Variants in RANBP2 observed in about 807,000 individuals in gnomAD.
RANBP2 encodes E3 SUMO-protein ligase RanBP2.
A neutral mutation model predicts 303.6 loss-of-function variants in RANBP2; 57 were observed. The ratio of observed to expected loss-of-function variants is 0.19; its 90% confidence interval spans 0.15 to 0.23. The LOEUF is 0.23. Among genes scored for constraint, RANBP2 ranks in the 10% least tolerant of loss-of-function variants. The probability of loss-of-function intolerance (pLI) is 1.00; values close to 1 mark genes in which losing one functional copy is unlikely to be tolerated. For synonymous variants in RANBP2, 1,167 were observed against 1,301.5 expected (o/e 0.90, Z 2.23); for missense variants, 3,138 against 3,780.8 (o/e 0.83, Z 4.46).
the RANBP2 span, chr2:109,614,482 G>C: frequency 3.3e-6 from 4 of 1,227,204 alleles, no homozygotes; most frequent in Admixed American, 8.7e-5. Context: ...GGAGCAGCGC[G>C]GTCGAGGATG....
chr2:109,047,217 AT>A, the RANBP2 span, among the ~76,000 whole-genome samples: 1 of 152,062 alleles, frequency 6.6e-6, no homozygotes. Flanking sequence ...CCCTGCTCCC[AT>A]TGCTTCCCCA....
At chr2:108,791,873 C>T in the RANBP2 span, 5 of 1,413,266 alleles carry the variant, frequency 3.5e-6, no homozygotes, top group East Asian at 2.4e-5. Context: ...AGCTTCCCTC[C>T]TAGTAATAAC....
the RANBP2 span, among the ~76,000 whole-genome samples, chr2:109,099,464 T>C: frequency 6.6e-6 from 1 of 152,072 alleles, no homozygotes; most frequent in Non-Finnish European, 1.5e-5. Flanking sequence ...CTGGGTTTGG[T>C]TTAACCCTTA....
chr2:109,431,688 A>G, the RANBP2 span, among the ~76,000 whole-genome samples: 171 of 152,332 alleles, frequency 1.1e-3, no homozygotes, highest in African/African-American at 4.0e-3. Flanking sequence ...TCTGGGCAAC[A>G]TAGTGGGACC....
chr2:109,238,254 G>A, the RANBP2 span, among the ~76,000 whole-genome samples: 1 of 152,038 alleles, frequency 6.6e-6, no homozygotes, highest in Non-Finnish European at 1.5e-5. Flanking sequence ...CAATAGAAAA[G>A]TGTTGGCTCT....
chr2:109,227,859 C>T, the RANBP2 span, among the ~76,000 whole-genome samples: 7 of 152,222 alleles, frequency 4.6e-5, no homozygotes, highest in East Asian at 1.9e-4. Flanking sequence ...TCGGTCGCTC[C>T]GCCTTTCATC....
the RANBP2 span, among the ~76,000 whole-genome samples, chr2:109,065,373 T>C: frequency 6.6e-6 from 1 of 152,204 alleles, no homozygotes; most frequent in African/African-American, 2.4e-5. Context: ...CTTTTGCTTA[T>C]CTTTGTGTGC....
the RANBP2 span, among the ~76,000 whole-genome samples, chr2:109,387,213 C>G: frequency 6.6e-6 from 1 of 152,154 alleles, no homozygotes; most frequent in African/African-American, 2.4e-5. Flanking sequence ...CCTGGCTTTT[C>G]TCATTAAATT....
the RANBP2 span, among the ~76,000 whole-genome samples, chr2:109,611,862 A>C: frequency 6.6e-6 from 1 of 152,146 alleles, no homozygotes; most frequent in Non-Finnish European, 1.5e-5. Context: ...CAGAAACTGG[A>C]CCTCTCATAC....
the RANBP2 span, among the ~76,000 whole-genome samples, chr2:109,356,017 A>T: frequency 6.6e-6 from 1 of 152,156 alleles, no homozygotes. Context: ...CACCAGATTT[A>T]TGCTGGTAGC....
rs745902007 is a variant in RANBP2, at chr2:108,766,435, C to T, written c.5896C>T (p.Pro1966Ser). 13 of 1,611,660 alleles carry T rather than the reference C, an allele frequency of 8.1e-6. No homozygotes were observed. The highest frequency in any genetic ancestry group is 1.0e-5 in the Non-Finnish European group (12 of 1,179,814). The change falls in exon 20 of 29, where the codon CCC becomes TCC. Residue 1966 changes from proline to serine, a missense_variant. By Grantham distance (74) the Pro-to-Ser change is moderately conservative. Around this residue, in one of 20 missense-constraint regions of RANBP2, gnomAD observed 348 missense variants for 360.4 expected, o/e 0.97. Coordinates refer to ENST00000283195, the MANE Select transcript of RANBP2 (RefSeq NM_006267.5). The stretch of plus-strand genomic sequence containing the variant: ...AGGATTTCAGTTTGGCAAAAAAGAC[C>T]CCAATTTCAAGGGATTTTCAGGTGC... ...GEGFQFGKKD[P>S]NFKGFSGAGE...
the RANBP2 span, among the ~76,000 whole-genome samples, chr2:109,436,629 AG>A: frequency 1.3e-5 from 2 of 152,250 alleles, no homozygotes; most frequent in Non-Finnish European, 2.9e-5. Flanking sequence ...GTGGTATAAA[AG>A]ATTTCGTTCA....
the RANBP2 span, among the ~76,000 whole-genome samples, chr2:109,487,496 C>T: frequency 6.6e-6 from 1 of 152,232 alleles, no homozygotes; most frequent in Non-Finnish European, 1.5e-5. Flanking sequence ...AGAGGGTTTT[C>T]TAGCCATGAC....
chr2:109,423,664 C>G, the RANBP2 span, among the ~76,000 whole-genome samples: 2 of 152,220 alleles, frequency 1.3e-5, no homozygotes, highest in Non-Finnish European at 2.9e-5. Context: ...GTACTGCCCC[C>G]AAGAGGTGTC....
At chr2:109,272,623 T>C in the RANBP2 span, among the ~76,000 whole-genome samples, 29 of 152,244 alleles carry the variant, frequency 1.9e-4, no homozygotes, top group Non-Finnish European at 2.4e-4. Flanking sequence ...GGTGAGCACA[T>C]GCTTCCGCAC....
intron 1 of RANBP2, among the ~76,000 whole-genome samples, chr2:108,727,737 G>A (rs1168197034): frequency 6.6e-6 from 1 of 151,816 alleles, no homozygotes; most frequent in Non-Finnish European, 1.5e-5. Flanking sequence ...CAAGCAGTGG[G>A]GATTACAGGG....
At chr2:108,852,847 A>G in the RANBP2 span, among the ~76,000 whole-genome samples, 1 of 152,170 alleles carries the variant, frequency 6.6e-6, no homozygotes, top group Non-Finnish European at 1.5e-5. Context: ...CTCCTATGAC[A>G]CAAGTGTACC....
intron 25 of RANBP2, among the ~76,000 whole-genome samples, chr2:108,778,454 C>T (rs1678029259): frequency 6.6e-6 from 1 of 152,144 alleles, no homozygotes; most frequent in East Asian, 1.9e-4. Flanking sequence ...TTGTAAATTT[C>T]CAGATAATTT....
chr2:109,615,256 G>C, the RANBP2 span: 1 of 1,560,006 alleles, frequency 6.4e-7, no homozygotes, highest in East Asian at 2.4e-5. Context: ...GAGGAGGAGA[G>C]CAGCGGCGGA....
Sources: allele counts gnomAD v4.1 joint callset (sites outside exome capture counted in the v4.1 genomes callset), GRCh38; gene constraint gnomAD v4.1.1; regional missense constraint gnomAD v4.1.1; transcripts MANE v1.5; gene names NCBI Gene and HGNC (gene_info 2026-07-23, HGNC 2026-07-21).